The following CRTC3 variants were observed in gnomAD, a reference collection of about 807,000 sequenced individuals.
The protein encoded by CRTC3 is CREB regulated transcription coactivator 3, also known as CREB-regulated transcription coactivator 3.
In CRTC3, 26 loss-of-function variants were observed where a neutral mutation model predicts 74.5. The ratio of observed to expected loss-of-function variants is 0.35; its 90% CI spans 0.26 to 0.48. The LOEUF (loss-of-function observed/expected upper bound fraction) is 0.48, where lower values mean the gene tolerates loss of function less well. Ranked by LOEUF, CRTC3 falls within the 20% of genes least tolerant of loss-of-function variation. The pLI is 0.99. For synonymous variants in CRTC3, 377 were observed against 325.8 expected (o/e 1.16, Z -1.69); for missense variants, 760 against 787.3 (o/e 0.97, Z 0.41).
chr15:90,617,874 T>TC lies in CRTC3; in HGVS notation c.614-6dup. 6.3e-7 allele frequency: 1 copy of TC among 1,599,918 alleles called. No homozygotes were observed. The highest frequency in any genetic ancestry group is 8.6e-7 in the Non-Finnish European group (1 of 1,167,336). On this transcript the variant is annotated splice_polypyrimidine_tract_variant and intron_variant, in intron 7 of 14. Transcript: ENST00000268184. ...TGCAATGACTGTGCTGCTTTTTTTT[T>TC]CCCTTTAGTAGCATCTTTCCCTGGC...
chr15:90,645,217 C>G lies in CRTC3; in HGVS notation c.*3077C>G, dbSNP rs1969582399. The stretch of plus-strand genomic sequence containing the variant: ...ACTAATCAGACTTCCTGCCAGTGTC[C>G]TAACCCCCAGGGCACCCTGTTCAAC... On this transcript the variant is annotated 3_prime_UTR_variant, in exon 15 of 15. Transcript: ENST00000268184. The G allele has an allele frequency of 4.4e-6, 1 of 229,346 alleles. No individual in the cohort carries two copies. Among genetic ancestry groups the G allele is most frequent in the East Asian group, 6.2e-5 (1 of 16,096 alleles). 14.2% of individuals were successfully genotyped at this position (229,346 alleles called of 1,614,324 possible).
intron 9 of CRTC3, among the ~76,000 whole-genome samples, chr15:90,621,111 G>A (rs1296521867): frequency 6.6e-6 from 1 of 152,058 alleles, no homozygotes; most frequent in Non-Finnish European, 1.5e-5. Context: ...CCTCAAGGGA[G>A]TCTCCCTCAA....
In CRTC3 at chr15:90,638,490, A is replaced by G. The variant is rs894297645; in HGVS notation, c.1311A>G (p.Glu437=). Residue 437 remains glutamate, a synonymous_variant, in exon 12 of 15, where the codon GAA becomes GAG. Transcript: ENST00000268184. Reference sequence around the variant, plus strand: ...GCCAACTTTCCTTTCTGCCCACAGAAGCTCAAGCCCAGGTGTCGCCGCCAC... The same window carrying G: ...GCCAACTTTCCTTTCTGCCCACAGAGGCTCAAGCCCAGGTGTCGCCGCCAC... ...DRSQLSFLPT[E]AQAQVSPPPP... 1.9e-5 allele frequency: 30 copies of G among 1,613,930 alleles called. No individual in the cohort carries two copies. Among genetic ancestry groups the G allele is most frequent in the Non-Finnish European group, 2.5e-5 (29 of 1,180,030 alleles).
chr15:90,540,637 G>T (rs972696110), intron 2 of CRTC3, among the ~76,000 whole-genome samples: 1 of 152,084 alleles, frequency 6.6e-6, no homozygotes, highest in Non-Finnish European at 1.5e-5. Context: ...GCTAGGTGTG[G>T]TGGCTCACAG....
Position 90,530,076 on chromosome 15 carries a change from C to T in CRTC3, c.5C>T (p.Ala2Val), listed in dbSNP as rs1258082902. ...TGCCCGCGCAGAGTCCGCGCCATGG[C>T]CGCCTCGCCGGGCTCGGGCAGCGCC... M[A>V]ASPGSGSANP... The change falls in exon 1 of 15, where the codon GCC becomes GTC. Residue 2 changes from alanine (A) to valine (V), a missense_variant. Ala to Val is a moderately conservative substitution (Grantham distance 64). Transcript: ENST00000268184. This position sits in a 1 kb window ranked among gnomAD's most constrained non-coding sequence, Gnocchi z 6.2. The T allele has an allele frequency of 2.8e-6, 4 of 1,432,928 alleles. No individual in the cohort carries two copies. The highest frequency in any genetic ancestry group is 6.4e-5 in the East Asian group (2 of 31,456). 88.8% of individuals were successfully genotyped at this position (1,432,928 alleles called of 1,614,324 possible).
intron 6 of CRTC3, among the ~76,000 whole-genome samples, chr15:90,613,135 G>A (rs28615785): frequency 0.017 from 2,388 of 143,424 alleles, 62 homozygotes; most frequent in African/African-American, 0.058. Flanking sequence ...GTGAGCCAAG[G>A]TCACGCCACC....
chr15:90,567,210 C>T (rs1472595948), intron 2 of CRTC3, among the ~76,000 whole-genome samples: 2 of 151,956 alleles, frequency 1.3e-5, no homozygotes, highest in Non-Finnish European at 2.9e-5. Flanking sequence ...GTTAAATATA[C>T]CCTGCCTGTG....
At position 90,643,178 on chromosome 15, in the gene CRTC3, GTGC is replaced by G. The variant is rs1054714000; in HGVS notation, c.*1041_*1043del. ...AACACGTGCGTGGCAGCACAGTCGT[GTGC>G]TGGAGTGAGTGCTGCAGAACCGTGC... On this transcript the variant is annotated 3_prime_UTR_variant, in exon 15 of 15. Transcript: ENST00000268184. 7 of 232,598 alleles carry G rather than the reference GTGC, an allele frequency of 3.0e-5. No individual in the cohort carries two copies. The highest frequency in any genetic ancestry group is 1.3e-4 in the African/African-American group (6 of 45,312). The allele number at this position is 232,598 out of a possible 1,614,324, so 14.4% of individuals were successfully genotyped here.
At chr15:90,631,462 C>T (rs556659308) in intron 11 of CRTC3, among the ~76,000 whole-genome samples, 1 of 151,996 alleles carries the variant, frequency 6.6e-6, no homozygotes, top group Non-Finnish European at 1.5e-5. Flanking sequence ...GGGTGTGTGC[C>T]TCACACCTGT....
intron 2 of CRTC3, among the ~76,000 whole-genome samples, chr15:90,544,094 T>A (rs1966840043): frequency 6.6e-6 from 1 of 152,260 alleles, no homozygotes. Context: ...TCTCATGTTC[T>A]GAGTCCAGAA....
At position 90,638,802 on chromosome 15, in the gene CRTC3, C is replaced by G. The variant is rs1453284550; in HGVS notation, c.1535C>G (p.Ala512Gly). ...CAGCAGTCCATGAGGCCAGGCCCTG[C>G]CTTTCCTCAACAGGTGGGTGATCGC... ...FDQQSMRPGP[A>G]FPQQVPLVQQ... is the part of the protein sequence containing the mutation. The change falls in exon 13 of 15, where the codon GCC becomes GGC. Residue 512 changes from alanine (A) to glycine (G), a missense_variant. This residue lies in a region of CRTC3 where 652 missense variants were observed against 635.2 expected (regional missense o/e 1.03). Transcript: ENST00000268184. 1 of 1,614,042 alleles carries G rather than the reference C, an allele frequency of 6.2e-7. No individual in the cohort carries two copies.
chr15:90,530,058 G>T lies in CRTC3; in HGVS notation c.-14G>T. 13 of 1,412,352 alleles carry T rather than the reference G, an allele frequency of 9.2e-6. No homozygotes were observed. The highest frequency in any genetic ancestry group is 1.2e-5 in the Non-Finnish European group (13 of 1,066,830). The allele number at this position is 1,412,352 out of a possible 1,614,324, so 87.5% of individuals were successfully genotyped here. ...GCCGCCGTCTCCCGCTTCTGCCCGC[G>T]CAGAGTCCGCGCCATGGCCGCCTCG... On this transcript the variant is annotated 5_prime_UTR_variant, in exon 1 of 15. Transcript: ENST00000268184. The surrounding 1 kb of genome is among the most constrained non-coding windows in gnomAD (Gnocchi z 6.2).
chr15:90,536,525 T>A (rs1162759246), intron 1 of CRTC3, among the ~76,000 whole-genome samples: 2 of 151,632 alleles, frequency 1.3e-5, no homozygotes, highest in African/African-American at 4.8e-5. Flanking sequence ...CTATTCTAGG[T>A]CATTTGCACA....
intron 1 of CRTC3, among the ~76,000 whole-genome samples, chr15:90,535,483 A>G (rs1413159571): frequency 6.6e-6 from 1 of 152,076 alleles, no homozygotes. Flanking sequence ...GCTAATTGTG[A>G]GACGTTGAGG....
At chr15:90,639,083 A>G (rs995159735) in intron 13 of CRTC3, among the ~76,000 whole-genome samples, 2 of 152,154 alleles carry the variant, frequency 1.3e-5, no homozygotes, top group African/African-American at 4.8e-5. Context: ...CTGTAAAATC[A>G]TGAACACTGG....
intron 2 of CRTC3, among the ~76,000 whole-genome samples, chr15:90,559,881 G>A (rs1206403534): frequency 6.6e-6 from 1 of 152,228 alleles, no homozygotes; most frequent in Non-Finnish European, 1.5e-5. Flanking sequence ...GGGTGCAAGT[G>A]ATCCATCCGC....
At chr15:90,570,142 G>A (rs1004442625) in intron 2 of CRTC3, among the ~76,000 whole-genome samples, 1 of 152,176 alleles carries the variant, frequency 6.6e-6, no homozygotes, top group African/African-American at 2.4e-5. Flanking sequence ...GACATAACTT[G>A]TTTGTCTTTA....
intron 2 of CRTC3, among the ~76,000 whole-genome samples, chr15:90,550,577 T>C (rs2151061121): frequency 6.6e-6 from 1 of 152,200 alleles, no homozygotes; most frequent in Non-Finnish European, 1.5e-5. Flanking sequence ...TTGCTGTTGC[T>C]ATTGTCCCCT....
At chr15:90,531,224 A>C (rs1266699015) in intron 1 of CRTC3, among the ~76,000 whole-genome samples, 2 of 152,198 alleles carry the variant, frequency 1.3e-5, no homozygotes, top group African/African-American at 4.8e-5. Flanking sequence ...ACTTCCACAC[A>C]AAATCCAAAT....
Sources: gnomAD v4.1 joint callset for allele counts (sites outside exome capture counted in the v4.1 genomes callset) on GRCh38, gnomAD v4.1.1 for gene constraint, gnomAD v4.1.1 regional missense constraint, Gnocchi (gnomAD v3.1) non-coding constraint, MANE v1.5 for transcripts, NCBI Gene and HGNC (gene_info 2026-07-23, HGNC 2026-07-21) for gene names.